ALK: variants seen among roughly 807,000 people sequenced by gnomAD.
The protein encoded by ALK is ALK receptor tyrosine kinase.
In ALK, 74 loss-of-function variants were observed where a neutral mutation model predicts 163.1. The ratio of observed to expected loss-of-function variants is 0.45; its 90% CI spans 0.38 to 0.55. The LOEUF is 0.55. ALK is among the 20% of genes least tolerant of loss of function. The probability of loss-of-function intolerance (pLI) is 0.00; values close to 1 mark genes in which losing one functional copy is unlikely to be tolerated. For synonymous variants in ALK, 960 were observed against 843.2 expected, an observed-to-expected ratio of 1.14 and a Z score of -2.40; for missense variants, 2,063 against 2,105.3, an observed-to-expected ratio of 0.98 and a Z score of 0.39.
chr2:29,861,042 T>C (rs918401871), intron 1 of ALK, among the ~76,000 whole-genome samples: 7 of 152,126 alleles, frequency 4.6e-5, no homozygotes, highest in African/African-American at 7.2e-5. Context: ...TATGGTGGCA[T>C]GTGCCTGTAG....
chr2:29,902,148 T>C (rs542515616), intron 1 of ALK, among the ~76,000 whole-genome samples: 30 of 152,330 alleles, frequency 2.0e-4, no homozygotes, highest in African/African-American at 7.2e-4. Context: ...TGTTTCCAGC[T>C]AGCAGGACAC....
intron 4 of ALK, among the ~76,000 whole-genome samples, chr2:29,454,212 T>G (rs1486774459): frequency 6.6e-6 from 1 of 152,122 alleles, no homozygotes; most frequent in Non-Finnish European, 1.5e-5. Context: ...ATATAGAAAA[T>G]CATACACATC....
intron 3 of ALK, among the ~76,000 whole-genome samples, chr2:29,560,913 T>TTA (rs1277214218): frequency 6.6e-6 from 1 of 152,118 alleles, no homozygotes; most frequent in African/African-American, 2.4e-5. Context: ...TTTTTTTTTT[T>TTA]TACCTAAAAC....
intron 4 of ALK, among the ~76,000 whole-genome samples, chr2:29,447,704 G>T (rs1038192861): frequency 6.6e-6 from 1 of 152,086 alleles, no homozygotes; most frequent in African/African-American, 2.4e-5. Context: ...TCAGATGGCC[G>T]CTTCACACCT....
chr2:29,232,478 A>G, intron 14 of ALK, 30 bp from the exon 15 acceptor site: 5 of 1,614,018 alleles, frequency 3.1e-6, no homozygotes, highest in Non-Finnish European at 4.2e-6. Flanking sequence ...AGACATTGAG[A>G]AACCGAGCTG....
rs1202718057 is a variant in ALK at position 29,920,661 on chromosome 2, C to A, written c.-2G>T. 7 of 1,535,272 alleles carry A rather than the reference C, an allele frequency of 4.6e-6. No homozygotes were observed. Among genetic ancestry groups the A allele is most frequent in the Non-Finnish European group, 6.1e-6 (7 of 1,147,822 alleles). ...CCACAGGAGCCCGATGGCTCCCATC[C>A]CGCCGGAGGAGGCCGTTTACACTGC... On this transcript the variant is annotated 5_prime_UTR_variant, in exon 1 of 29. Transcript: ENST00000389048.
chr2:29,527,838 C>A (rs977816032), intron 4 of ALK, among the ~76,000 whole-genome samples: 3 of 152,054 alleles, frequency 2.0e-5, no homozygotes, highest in Admixed American at 2.0e-4. Context: ...TGACCTTCAT[C>A]ACGTCACATT....
chr2:29,848,861 C>T (rs567759726), intron 1 of ALK, among the ~76,000 whole-genome samples: 4 of 152,296 alleles, frequency 2.6e-5, no homozygotes, highest in East Asian at 1.9e-4. Context: ...GATGCGGCCA[C>T]GAGGGACCCC....
At chr2:29,296,738 TGTGCACGTGCGTGCACGCGCACATATCG>T (rs1294327396) in intron 9 of ALK, 122 bp downstream of exon 9, 15 of 796,398 alleles carry the variant, frequency 1.9e-5, no homozygotes, top group Non-Finnish European at 3.1e-5. Flanking sequence ...TGTGTGTGTG[TGTGCACGTGCGTGCACGCGCACATATCG>T]GTGTGTGGGC....
At chr2:29,485,686 T>C (rs1469398681) in intron 4 of ALK, among the ~76,000 whole-genome samples, 1 of 152,292 alleles carries the variant, frequency 6.6e-6, no homozygotes, top group East Asian at 1.9e-4. Flanking sequence ...TGTTTACAGG[T>C]CCTCCCCTTC....
intron 9 of ALK, among the ~76,000 whole-genome samples, chr2:29,291,487 T>A (rs563235818): frequency 6.6e-6 from 1 of 152,222 alleles, no homozygotes; most frequent in East Asian, 1.9e-4. Context: ...CAGCCTAAAG[T>A]TTAAGGGAAA....
At chr2:29,311,410 C>CTT (rs1666691148) in intron 8 of ALK, among the ~76,000 whole-genome samples, 1 of 152,176 alleles carries the variant, frequency 6.6e-6, no homozygotes, top group Admixed American at 6.5e-5. Context: ...CCTAGGGGTA[C>CTT]CCAAAGCCAC....
intron 4 of ALK, among the ~76,000 whole-genome samples, chr2:29,430,981 G>A (rs547022969): frequency 6.6e-6 from 1 of 151,328 alleles, no homozygotes; most frequent in East Asian, 1.9e-4. Context: ...GGCTGCACTA[G>A]AAGGCAAGGC....
intron 1 of ALK, among the ~76,000 whole-genome samples, chr2:29,808,451 T>C (rs1664673082): frequency 1.3e-5 from 2 of 152,216 alleles, no homozygotes; most frequent in East Asian, 1.9e-4. Flanking sequence ...CAGAGCCAAC[T>C]GATCCCCAAC....
At chr2:29,216,338 C>G (rs1445273596) in intron 23 of ALK, among the ~76,000 whole-genome samples, 2 of 151,694 alleles carry the variant, frequency 1.3e-5, no homozygotes, top group African/African-American at 4.8e-5. Flanking sequence ...AGGCCCTGGC[C>G]CTAGCTGTGC....
intron 8 of ALK, among the ~76,000 whole-genome samples, chr2:29,304,173 T>TCCTC (rs1363817244): frequency 5.3e-5 from 8 of 152,310 alleles, no homozygotes; most frequent in Admixed American, 4.6e-4. Flanking sequence ...CTCAGACTGG[T>TCCTC]AGCATCAGTG....
intron 3 of ALK, among the ~76,000 whole-genome samples, chr2:29,543,782 C>G (rs189214199): frequency 8.9e-4 from 135 of 152,316 alleles, no homozygotes; most frequent in Non-Finnish European, 1.7e-3. Flanking sequence ...TCTGTCTCCT[C>G]TATGTGCTCT....
chr2:29,363,414 C>T (rs1461026243), intron 5 of ALK, among the ~76,000 whole-genome samples: 1 of 152,206 alleles, frequency 6.6e-6, no homozygotes, highest in African/African-American at 2.4e-5. Flanking sequence ...CAGCCCTCAG[C>T]CCCAGAGAGG....
intron 4 of ALK, among the ~76,000 whole-genome samples, chr2:29,497,396 A>G (rs1426909267): frequency 6.6e-6 from 1 of 152,064 alleles, no homozygotes; most frequent in Non-Finnish European, 1.5e-5. Context: ...CCTCCCTACC[A>G]CCGGCCTATG....
Sources: gnomAD v4.1 joint callset for allele counts (sites outside exome capture counted in the v4.1 genomes callset) on GRCh38, gnomAD v4.1.1 for gene constraint, MANE v1.5 for transcripts, NCBI Gene and HGNC (gene_info 2026-07-23, HGNC 2026-07-21) for gene names.